The following PARD3 variants were observed in gnomAD, a reference collection of about 807,000 sequenced individuals.
PARD3 encodes the protein par-3 family cell polarity regulator.
PARD3 carries 75 observed loss-of-function variants against 155.4 expected under a neutral mutation model. The ratio of observed to expected loss-of-function variants is 0.48; its 90% CI spans 0.40 to 0.58. PARD3 has a LOEUF of 0.58. Among genes scored for constraint, PARD3 ranks in the 20% least tolerant of loss-of-function variants. PARD3 has a pLI of 0.00. For missense variants in PARD3, 1,642 were observed against 1,721.7 expected, an observed-to-expected ratio of 0.95 and a Z score of 0.82; for synonymous variants, 576 against 610.5, an observed-to-expected ratio of 0.94 and a Z score of 0.83.
At chr10:34,286,143 T>G (rs1422763415) in intron 20 of PARD3, among the ~76,000 whole-genome samples, 2 of 152,210 alleles carry the variant, frequency 1.3e-5, no homozygotes, top group African/African-American at 2.4e-5. Context: ...AATGATGGGC[T>G]TTACAGAATG....
At chr10:34,483,007 T>A (rs1463849579) in intron 3 of PARD3, among the ~76,000 whole-genome samples, 1 of 147,528 alleles carries the variant, frequency 6.8e-6, no homozygotes, top group Admixed American at 6.7e-5. Context: ...AAAAAAAAAA[T>A]TAGCCAGGTG....
chr10:34,438,129 G>A (rs1005780956), intron 5 of PARD3, among the ~76,000 whole-genome samples: 2 of 152,266 alleles, frequency 1.3e-5, no homozygotes, highest in East Asian at 1.9e-4. Context: ...ACAGGCCAGC[G>A]GGGACAGACT....
intron 19 of PARD3, among the ~76,000 whole-genome samples, chr10:34,325,767 T>C (rs17471456): frequency 0.074 from 11,252 of 152,104 alleles, 570 homozygotes; most frequent in Non-Finnish European, 0.1. Flanking sequence ...AATTAGAAGA[T>C]ACGCATTCTA....
intron 15 of PARD3, chr10:34,346,206 G>A (rs17472557): frequency 0.096 from 108,245 of 1,132,210 alleles, 5,595 homozygotes; most frequent in Non-Finnish European, 0.11. Context: ...AATGCAAACC[G>A]AAGAGGACTA....
At chr10:34,610,883 G>A (rs1304746294) in intron 2 of PARD3, among the ~76,000 whole-genome samples, 1 of 152,116 alleles carries the variant, frequency 6.6e-6, no homozygotes, top group Non-Finnish European at 1.5e-5. Context: ...TGTAAAGGGT[G>A]GTGTGTGGTG....
At chr10:34,344,982 T>C in intron 15 of PARD3, 1 of 985,406 alleles carries the variant, frequency 1.0e-6, no homozygotes, top group Non-Finnish European at 1.2e-6. Flanking sequence ...TTCAAAGATT[T>C]AACGTCTTTG....
At chr10:34,402,010 CATT>C (rs2132204327) in intron 5 of PARD3, 93 bp from the exon 6 acceptor site, 2 of 954,958 alleles carry the variant, frequency 2.1e-6, no homozygotes, top group South Asian at 2.6e-5. Flanking sequence ...GTCTAATAGG[CATT>C]ATGATCTTGG....
chr10:34,317,827 C>G (rs573134122), intron 19 of PARD3, among the ~76,000 whole-genome samples: 1 of 152,374 alleles, frequency 6.6e-6, no homozygotes, highest in South Asian at 2.1e-4. Flanking sequence ...AGCACAAGGA[C>G]TTCTTTCCTT....
chr10:34,726,278 T>C (rs11009890), intron 1 of PARD3, among the ~76,000 whole-genome samples: 76 of 152,254 alleles, frequency 5.0e-4, no homozygotes, highest in Middle Eastern at 3.4e-3. Context: ...GATGAAACTG[T>C]GTCTCTATTA....
chr10:34,217,617 C>A (rs1006215017), intron 22 of PARD3, among the ~76,000 whole-genome samples: 134 of 152,116 alleles, frequency 8.8e-4, no homozygotes, highest in African/African-American at 3.0e-3. Flanking sequence ...ATGCTCGTGG[C>A]GTGCACTGAG....
At chr10:34,336,763 T>G (rs1836237562) in intron 17 of PARD3, among the ~76,000 whole-genome samples, 1 of 152,172 alleles carries the variant, frequency 6.6e-6, no homozygotes, top group South Asian at 2.1e-4. Context: ...CTCAAATTAT[T>G]ACTTTGATTA....
intron 1 of PARD3, among the ~76,000 whole-genome samples, chr10:34,791,183 CTGAG>C (rs1841574840): frequency 6.6e-6 from 1 of 152,224 alleles, no homozygotes; most frequent in South Asian, 2.1e-4. Flanking sequence ...CTACACTGCC[CTGAG>C]TGAGAAGCAC....
At chr10:34,194,129 T>C (rs1174272158) in intron 22 of PARD3, among the ~76,000 whole-genome samples, 2 of 152,182 alleles carry the variant, frequency 1.3e-5, no homozygotes, top group African/African-American at 4.8e-5. Context: ...TCCCTCTACA[T>C]ATTGAGAGTA....
rs922099678 is a variant in PARD3 at position 34,684,399 on chromosome 10, G to A, written c.222+11919C>T. On this transcript the variant is annotated intron_variant, in intron 2 of 24. Coordinates refer to ENST00000374788, the MANE Select transcript of PARD3 (RefSeq NM_001184785.2). ...ATATTGGATTCACAGATTTATCTAC[G>A]GTTAGTCCCAAATATCCAGCTGCCG... 5.9e-5 allele frequency among the ~76,000 whole-genome samples: 9 copies of A among 152,094 alleles called. No individual in the cohort carries two copies. The East Asian group carries it at 1.4e-3, about 23-fold the overall frequency.
chr10:34,526,103 A>T (rs2082461997), intron 2 of PARD3, among the ~76,000 whole-genome samples: 1 of 150,726 alleles, frequency 6.6e-6, no homozygotes, highest in Non-Finnish European at 1.5e-5. Flanking sequence ...AAAAAAAAAA[A>T]AAATCCAACA....
chr10:34,207,903 A>G (rs1951554729), intron 22 of PARD3, among the ~76,000 whole-genome samples: 1 of 152,210 alleles, frequency 6.6e-6, no homozygotes, highest in Non-Finnish European at 1.5e-5. Flanking sequence ...TTGTCAGAAA[A>G]TAGACATTTT....
At chr10:34,416,007 C>T (rs550125058) in intron 5 of PARD3, among the ~76,000 whole-genome samples, 11 of 152,260 alleles carry the variant, frequency 7.2e-5, no homozygotes, top group South Asian at 6.2e-4. Flanking sequence ...ACTATACACA[C>T]GCTGTTCCTA....
At chr10:34,492,398 T>C (rs1055337022) in intron 3 of PARD3, among the ~76,000 whole-genome samples, 1 of 152,182 alleles carries the variant, frequency 6.6e-6, no homozygotes, top group Non-Finnish European at 1.5e-5. Context: ...ATGGCTCTAG[T>C]TTCCTCATCT....
intron 1 of PARD3, among the ~76,000 whole-genome samples, chr10:34,716,433 G>C (rs1243632796): frequency 6.6e-6 from 1 of 152,168 alleles, no homozygotes; most frequent in Non-Finnish European, 1.5e-5. Context: ...ATTAAAGTGT[G>C]AAATGGACTA....
Sources: allele counts gnomAD v4.1 joint callset (sites outside exome capture counted in the v4.1 genomes callset), GRCh38; gene constraint gnomAD v4.1.1; transcripts MANE v1.5; gene names NCBI Gene and HGNC (gene_info 2026-07-23, HGNC 2026-07-21).